PALM2AKAP2: variants seen among roughly 807,000 people sequenced by gnomAD.
PALM2AKAP2 encodes the protein PALM2 and AKAP2 fusion.
In PALM2AKAP2, 37 loss-of-function variants were observed where a neutral mutation model predicts 71.5. The observed-to-expected ratio is 0.52, with a 90% confidence interval of 0.40 to 0.68. The LOEUF is 0.68. Among genes scored for constraint, PALM2AKAP2 ranks in the 30% least tolerant of loss-of-function variants. The pLI, the probability that PALM2AKAP2 is intolerant of heterozygous loss-of-function variation, is 0.00. For synonymous variants in PALM2AKAP2, 468 were observed against 478.8 expected, an observed-to-expected ratio of 0.98 and a Z score of 0.29; for missense variants, 1,224 against 1,191.8, an observed-to-expected ratio of 1.03 and a Z score of -0.40.
chr9:109,848,948 C>T (rs137859718), intron 1 of PALM2AKAP2, among the ~76,000 whole-genome samples: 139 of 151,480 alleles, frequency 9.2e-4, no homozygotes, highest in African/African-American at 3.1e-3. Context: ...GTAGTTGTAA[C>T]GGAGACTATA....
intron 1 of PALM2AKAP2, among the ~76,000 whole-genome samples, chr9:110,108,546 C>T (rs1423295085): frequency 2.0e-5 from 3 of 152,110 alleles, no homozygotes; most frequent in African/African-American, 2.4e-5. Context: ...TACTGCCTAC[C>T]ACTCTTTTTT....
At chr9:109,822,687 T>G (rs953314915) in intron 1 of PALM2AKAP2, among the ~76,000 whole-genome samples, 2 of 152,184 alleles carry the variant, frequency 1.3e-5, no homozygotes, top group Non-Finnish European at 2.9e-5. Flanking sequence ...CTATCTATGT[T>G]GCTGCAAAGG....
intron 1 of PALM2AKAP2, among the ~76,000 whole-genome samples, chr9:109,709,254 A>T (rs1828190053): frequency 6.6e-6 from 1 of 152,176 alleles, no homozygotes; most frequent in African/African-American, 2.4e-5. Context: ...CACCCTGTGT[A>T]GTTATCTTGT....
intron 6 of PALM2AKAP2, among the ~76,000 whole-genome samples, chr9:109,998,127 T>C (rs1301670636): frequency 9.1e-6 from 1 of 110,326 alleles, no homozygotes; most frequent in African/African-American, 2.6e-5. Context: ...ATTCTTTTTG[T>C]TGTGATCAAG....
chr9:109,809,168 C>T (rs547733952), intron 1 of PALM2AKAP2, among the ~76,000 whole-genome samples: 19 of 152,180 alleles, frequency 1.2e-4, no homozygotes, highest in Non-Finnish European at 2.8e-4. Flanking sequence ...GAGAAGAAGG[C>T]CATTGCTCTC....
intron 5 of PALM2AKAP2, among the ~76,000 whole-genome samples, chr9:109,928,402 A>G (rs961419652): frequency 1.3e-5 from 2 of 152,204 alleles, no homozygotes; most frequent in Non-Finnish European, 2.9e-5. Context: ...TCTACTCTAT[A>G]AGTTACTGCT....
intron 1 of PALM2AKAP2, among the ~76,000 whole-genome samples, chr9:109,800,695 C>G (rs1251879087): frequency 6.6e-6 from 1 of 152,234 alleles, no homozygotes; most frequent in Non-Finnish European, 1.5e-5. Flanking sequence ...CTTTATCTTT[C>G]TCTGTATTTA....
chr9:109,878,761 G>T (rs1829773645), intron 2 of PALM2AKAP2, among the ~76,000 whole-genome samples: 2 of 152,084 alleles, frequency 1.3e-5, no homozygotes, highest in Non-Finnish European at 2.9e-5. Flanking sequence ...TTTTGAGACG[G>T]AGTTTCGCTC....
At chr9:109,982,907 A>G (rs192092183) in intron 6 of PALM2AKAP2, among the ~76,000 whole-genome samples, 197 of 152,308 alleles carry the variant, frequency 1.3e-3, no homozygotes, top group African/African-American at 4.5e-3. Flanking sequence ...TATAGGTGTG[A>G]GCCACTGCAC....
intron 6 of PALM2AKAP2, among the ~76,000 whole-genome samples, chr9:109,986,342 C>T (rs1292828749): frequency 2.0e-5 from 3 of 152,168 alleles, no homozygotes; most frequent in African/African-American, 7.2e-5. Context: ...CTTAATTTAG[C>T]TGTCAATACT....
intron 1 of PALM2AKAP2, among the ~76,000 whole-genome samples, chr9:109,816,727 G>A (rs559168049): frequency 3.9e-5 from 6 of 152,292 alleles, no homozygotes; most frequent in Middle Eastern, 3.4e-3. Flanking sequence ...GTGGATGTAC[G>A]GAAGTGACCA....
At chr9:109,894,400 C>T (rs1464675964) in intron 3 of PALM2AKAP2, among the ~76,000 whole-genome samples, 1 of 152,132 alleles carries the variant, frequency 6.6e-6, no homozygotes, top group Non-Finnish European at 1.5e-5. Flanking sequence ...TGCTCAAGTC[C>T]ATAAGGGACT....
intron 7 of PALM2AKAP2, among the ~76,000 whole-genome samples, chr9:110,017,666 C>T (rs1361458383): frequency 6.6e-6 from 1 of 151,458 alleles, no homozygotes; most frequent in Non-Finnish European, 1.5e-5. Flanking sequence ...AGATGTGGTA[C>T]AGACAGACAT....
chr9:110,077,241 C>T (rs1025654577), intron 1 of PALM2AKAP2, among the ~76,000 whole-genome samples: 18 of 152,150 alleles, frequency 1.2e-4, no homozygotes, highest in Admixed American at 9.8e-4. Context: ...TCGTACTCCT[C>T]TAATAGGGCG....
chr9:109,796,129 A>G (rs11792423), intron 1 of PALM2AKAP2, among the ~76,000 whole-genome samples: 27,226 of 152,222 alleles, frequency 0.18, 2,844 homozygotes, highest in East Asian at 0.34. Context: ...TGGACTCCTT[A>G]GCAGTCTTGT....
intron 1 of PALM2AKAP2, among the ~76,000 whole-genome samples, chr9:109,851,206 C>CAAAA (rs1376882715): frequency 5.6e-5 from 3 of 53,100 alleles, no homozygotes; most frequent in Admixed American, 2.6e-4. Flanking sequence ...ACAACAACAA[C>CAAAA]AACAAAAAAA....
exon 1 of PALM2AKAP2, chr9:109,780,506 G>A: frequency 1.2e-6 from 2 of 1,613,630 alleles, no homozygotes; most frequent in Non-Finnish European, 8.5e-7. Flanking sequence ...AGGCGGAATT[G>A]CACAAGGAAA....
chr9:109,989,712 G>A (rs1405269876), intron 6 of PALM2AKAP2, among the ~76,000 whole-genome samples: 1 of 152,240 alleles, frequency 6.6e-6, no homozygotes, highest in East Asian at 1.9e-4. Flanking sequence ...TCAGCTGGCT[G>A]TGTGGATTCC....
chr9:109,826,832 C>T (rs994913345), intron 1 of PALM2AKAP2, among the ~76,000 whole-genome samples: 2 of 152,172 alleles, frequency 1.3e-5, no homozygotes, highest in Admixed American at 6.5e-5. Flanking sequence ...CATGGCCCTT[C>T]ACTTCTTTTG....
Sources: allele counts gnomAD v4.1 joint callset (sites outside exome capture counted in the v4.1 genomes callset), GRCh38; gene constraint gnomAD v4.1.1; transcripts MANE v1.5; gene names NCBI Gene and HGNC (gene_info 2026-07-23, HGNC 2026-07-21).